Variants in KRAS observed in about 807,000 individuals in gnomAD.
KRAS encodes GTPase KRas.
KRAS carries 1 observed loss-of-function variant against 21.0 expected under a neutral mutation model. The ratio of observed to expected loss-of-function variants is 0.05; its 90% CI spans 0.02 to 0.23. The LOEUF is 0.23. KRAS is among the 10% of genes least tolerant of loss of function. KRAS has a pLI of 1.00. For missense variants in KRAS, 107 were observed against 221.8 expected (o/e 0.48, Z 3.29); for synonymous variants, 67 against 72.5 (o/e 0.92, Z 0.39).
intron 2 of KRAS, among the ~76,000 whole-genome samples, chr12:25,237,781 A>G (rs1951562172): frequency 6.6e-6 from 1 of 152,216 alleles, no homozygotes; most frequent in Non-Finnish European, 1.5e-5. Flanking sequence ...AAGTGCTATA[A>G]AAAGTTAACT....
At chr12:25,213,208 T>G (rs867158194) in intron 4 of KRAS, among the ~76,000 whole-genome samples, 1 of 152,222 alleles carries the variant, frequency 6.6e-6, no homozygotes, top group African/African-American at 2.4e-5. Context: ...CTACAGTCAC[T>G]GTATAAAACA....
At chr12:25,236,095 G>A (rs1951542222) in intron 2 of KRAS, among the ~76,000 whole-genome samples, 2 of 152,048 alleles carry the variant, frequency 1.3e-5, no homozygotes, top group Non-Finnish European at 1.5e-5. Flanking sequence ...GGATCTCAAA[G>A]GCTTAGAGGA....
At chr12:25,213,799 T>A (rs1203664971) in intron 4 of KRAS, among the ~76,000 whole-genome samples, 1 of 152,224 alleles carries the variant, frequency 6.6e-6, no homozygotes, top group African/African-American at 2.4e-5. Flanking sequence ...AAGCTTAAGC[T>A]CTGCCATGAA....
intron 2 of KRAS, among the ~76,000 whole-genome samples, chr12:25,240,439 A>C (rs148694429): frequency 6.6e-6 from 1 of 152,338 alleles, no homozygotes; most frequent in East Asian, 1.9e-4. Flanking sequence ...GTAAAACTTG[A>C]ATTTGCCATG....
rs969433064 is a variant in KRAS at position 25,208,113 on chromosome 12, G to A, written c.*1682C>T. 1.7e-5 allele frequency: 4 copies of A among 233,056 alleles called. No homozygotes were observed. The highest frequency in any genetic ancestry group is 1.2e-3 in the Middle Eastern group (1 of 804). The allele number at this position is 233,056 out of a possible 1,614,324, so 14.4% of individuals were successfully genotyped here. On this transcript the variant is annotated 3_prime_UTR_variant, in exon 5 of 5. Transcript: ENST00000311936. ...AGGTTAAAAATTTACAGATTGTGCT[G>A]AGCTTGACAAATAAGTGTATCCTTA...
chr12:25,230,008 G>A lies in KRAS; in HGVS notation c.112-2596C>T, dbSNP rs963441067. On this transcript the variant is annotated intron_variant, in intron 2 of 4. Coordinates refer to ENST00000311936, the MANE Select transcript of KRAS (RefSeq NM_004985.5). ...AGGCTGGTCTCTAACTCCTGACCTC[G>A]TGATCTGCACGCCTCAGCCTCTCAA... 5.3e-5 allele frequency among the ~76,000 whole-genome samples: 8 copies of A among 152,098 alleles called. No individual in the cohort carries two copies. In the South Asian group the frequency reaches 1.0e-3, roughly 20 times the overall value.
rs1951137653 is a variant in KRAS, at chr12:25,206,284, A to AC, written c.*3510_*3511insG. The AC allele has an allele frequency of 2.9e-5, 6 of 208,948 alleles. 1 individual carries two copies. In the South Asian group the frequency reaches 1.1e-3, roughly 39 times the overall value. 12.9% of individuals were successfully genotyped at this position (208,948 alleles called of 1,614,324 possible). The stretch of plus-strand genomic sequence containing the variant: ...CCTATGCAGTGTGACTCAGTTAAAT[A>AC]GAGCCTAGAATGCCTACTTGGGAAC... On this transcript the variant is annotated 3_prime_UTR_variant, in exon 5 of 5. Transcript: ENST00000311936.
At chr12:25,212,690 A>T (rs1049062300) in intron 4 of KRAS, among the ~76,000 whole-genome samples, 6 of 152,166 alleles carry the variant, frequency 3.9e-5, no homozygotes, top group African/African-American at 1.4e-4. Context: ...CATACACATA[A>T]CATTATCTTT....
intron 2 of KRAS, among the ~76,000 whole-genome samples, chr12:25,242,861 G>A (rs889323185): frequency 3.9e-5 from 6 of 152,114 alleles, no homozygotes; most frequent in African/African-American, 1.2e-4. Context: ...TATTAGCTAC[G>A]TATCCTTAGA....
rs545519517 is a variant in KRAS, at chr12:25,230,303, A to C, written c.112-2891T>G. On this transcript the variant is annotated intron_variant, in intron 2 of 4. Coordinates refer to ENST00000311936, the MANE Select transcript of KRAS (RefSeq NM_004985.5). ...GTAATATATACATCAAAATGTTATA[A>C]AGGTTATGTCTTTAATGGAGATAAT... Among the ~76,000 whole-genome samples the C allele has an allele frequency of 3.2e-3, 486 of 152,320 alleles. 1 individual carries two copies. The highest frequency in any genetic ancestry group is 5.8e-3 in the Non-Finnish European group (397 of 68,012).
rs2141475738 is a variant in KRAS, at chr12:25,205,327, T to G, written c.*4468A>C. 9.3e-6 allele frequency: 2 copies of G among 214,450 alleles called. No homozygotes were observed. Among genetic ancestry groups the G allele is most frequent in the East Asian group, 1.4e-4 (2 of 14,210 alleles). 13.3% of individuals were successfully genotyped at this position (214,450 alleles called of 1,614,324 possible). On this transcript the variant is annotated 3_prime_UTR_variant, in exon 5 of 5. Transcript: ENST00000311936. Reference sequence around the variant, plus strand: ...AAAAATATTACAAATTTTAGATCACTTCACAGCACATACTCCTATAAACAT... The same window carrying G: ...AAAAATATTACAAATTTTAGATCACGTCACAGCACATACTCCTATAAACAT...
chr12:25,237,638 C>A (rs1951561002), intron 2 of KRAS, among the ~76,000 whole-genome samples: 1 of 152,126 alleles, frequency 6.6e-6, no homozygotes, highest in Non-Finnish European at 1.5e-5. Flanking sequence ...GTGCTATGGG[C>A]TTGGGCAAAC....
At chr12:25,245,740 A>G (rs924621333) in intron 1 of KRAS, among the ~76,000 whole-genome samples, 2 of 151,998 alleles carry the variant, frequency 1.3e-5, no homozygotes, top group African/African-American at 4.8e-5. Flanking sequence ...TCATGACTTC[A>G]CTCATGTAGA....
intron 4 of KRAS, among the ~76,000 whole-genome samples, chr12:25,217,443 G>T (rs1012641159): frequency 6.6e-6 from 1 of 151,954 alleles, no homozygotes; most frequent in Non-Finnish European, 1.5e-5. Context: ...GTTAAAATGC[G>T]TATCTCAAGT....
At chr12:25,233,123 C>G (rs12311932) in intron 2 of KRAS, among the ~76,000 whole-genome samples, 1 of 152,234 alleles carries the variant, frequency 6.6e-6, no homozygotes, top group East Asian at 1.9e-4. Flanking sequence ...CCTACCACCA[C>G]CACCACCACC....
intron 1 of KRAS, among the ~76,000 whole-genome samples, chr12:25,247,468 T>C (rs1376927914): frequency 3.9e-5 from 6 of 152,210 alleles, no homozygotes; most frequent in South Asian, 4.1e-4. Context: ...ACTACAAACA[T>C]GTATCTTATC....
chr12:25,227,128 T>C (rs1044618578), intron 3 of KRAS, 106 bp downstream of exon 3: 1 of 739,338 alleles, frequency 1.4e-6, no homozygotes, highest in African/African-American at 1.8e-5. Flanking sequence ...AAACATTATT[T>C]AAAAATTTTT....
At position 25,243,547 on chromosome 12, in the gene KRAS, C is replaced by T. The variant is rs577569506; in HGVS notation, c.111+1727G>A. Among the ~76,000 whole-genome samples the T allele has an allele frequency of 2.1e-4, 32 of 152,286 alleles. 1 individual carries two copies. Among genetic ancestry groups the T allele is most frequent in the African/African-American group, 7.2e-4 (30 of 41,568 alleles). ...ATCATTAGCAAAAGGTTTCCTAACC[C>T]ACTTTATCACATTCATGACGTCATG... On this transcript the variant is annotated intron_variant, in intron 2 of 4. Transcript: ENST00000311936.
chr12:25,246,778 G>A (rs1468023713), intron 1 of KRAS, among the ~76,000 whole-genome samples: 2 of 151,906 alleles, frequency 1.3e-5, no homozygotes, highest in African/African-American at 4.8e-5. Context: ...TTAGCCGGGC[G>A]TGGTGGCGGG....
Sources: allele counts gnomAD v4.1 joint callset (sites outside exome capture counted in the v4.1 genomes callset), GRCh38; gene constraint gnomAD v4.1.1; transcripts MANE v1.5; gene names NCBI Gene and HGNC (gene_info 2026-07-23, HGNC 2026-07-21).